Variants in RAB11FIP1 observed in about 807,000 individuals in gnomAD.
RAB11FIP1 encodes the protein rab11 family-interacting protein 1.
In RAB11FIP1, 49 loss-of-function variants were observed where a neutral mutation model predicts 83.1. The observed-to-expected ratio is 0.59, with a 90% confidence interval of 0.47 to 0.75. RAB11FIP1 has a LOEUF of 0.75. RAB11FIP1 is among the 30% of genes least tolerant of loss of function. RAB11FIP1 has a pLI of 0.00. For synonymous variants in RAB11FIP1, 670 were observed against 656.0 expected (o/e 1.02, Z -0.33); for missense variants, 1,536 against 1,598.7 (o/e 0.96, Z 0.67).
intron 1 of RAB11FIP1, among the ~76,000 whole-genome samples, chr8:37,892,495 C>A (rs1806968528): frequency 6.6e-6 from 1 of 151,254 alleles, no homozygotes; most frequent in Admixed American, 6.6e-5. Context: ...GCTCTTGTTG[C>A]CCAGGCTGGA....
chr8:37,872,312 T>A lies in RAB11FIP1; in HGVS notation c.2490A>T (p.Gly830=). The A allele has an allele frequency of 6.2e-7, 1 of 1,614,090 alleles. No homozygotes were observed. Among genetic ancestry groups the A allele is most frequent in the Non-Finnish European group, 8.5e-7 (1 of 1,179,994 alleles). ...AVAGAALLVE[G]HSSCPQELNP... is the part of the protein sequence containing the mutation. ...TCAGCTCCTGGGGACAACTGCTGTG[T>A]CCTTCCACCAGCAAGGCAGCCCCCG... The change falls in exon 4 of 6, where the codon GGA becomes GGT. Residue 830 remains glycine, a synonymous_variant. Coordinates refer to ENST00000330843, the MANE Select transcript of RAB11FIP1 (RefSeq NM_001002814.3).
intron 1 of RAB11FIP1, among the ~76,000 whole-genome samples, chr8:37,882,067 C>T (rs184471239): frequency 7.6e-4 from 116 of 152,244 alleles, no homozygotes; most frequent in Non-Finnish European, 2.1e-4. Flanking sequence ...CCTCACCAAC[C>T]GCAGGCGGGC....
intron 2 of RAB11FIP1, 147 bp downstream of exon 2, chr8:37,876,962 C>T: frequency 1.5e-6 from 1 of 683,544 alleles, no homozygotes; most frequent in South Asian, 1.9e-5. Flanking sequence ...ATCTTAACCA[C>T]CGCTATCATC....
rs551108702 is a variant in RAB11FIP1 at position 37,876,411 on chromosome 8, T to C, written c.814+698A>G. Among the ~76,000 whole-genome samples, 6 of 151,684 alleles carry C rather than the reference T, an allele frequency of 4.0e-5. No individual in the cohort carries two copies. The South Asian group carries it at 8.4e-4, about 21-fold the overall frequency. ...GAGTTTCAGACCAGCCTGGGCAACA[T>C]AGTGAGACCTCATCTCTAAAAAAAA... On this transcript the variant is annotated intron_variant, in intron 2 of 5. Transcript: ENST00000330843.
At chr8:37,877,601 C>G (rs1275351439) in intron 1 of RAB11FIP1, 50 bp from the exon 2 acceptor site, 3 of 1,185,638 alleles carry the variant, frequency 2.5e-6, no homozygotes, top group South Asian at 2.7e-5. Flanking sequence ...GCAACTGCAA[C>G]AATGTTCACA....
rs553884848 is a variant in RAB11FIP1, at chr8:37,870,464, C to T, written c.3589G>A (p.Ala1197Thr). 5 of 1,611,488 alleles carry T rather than the reference C, an allele frequency of 3.1e-6. No homozygotes were observed. Among genetic ancestry groups the T allele is most frequent in the Non-Finnish European group, 4.2e-6 (5 of 1,177,948 alleles). ...TKVANCSLGTATIISENLNNE... is the reference protein window; with the variant it reads ...TKVANCSLGTTTIISENLNNE... ...TTCAAGTTCTCACTGATGATGGTGG[C>T]AGTTCCCAAGCTGCAGTTAGCAACC... is the stretch of plus-strand genomic sequence containing the variant. Residue 1197 changes from alanine to threonine, a missense_variant, in exon 5 of 6, where the codon GCC (alanine) becomes ACC (threonine). Physicochemically the swap from Ala to Thr is moderately conservative, Grantham distance 58. Transcript: ENST00000330843.
chr8:37,877,574 G>C (rs767543067), intron 1 of RAB11FIP1, 23 bp from the exon 2 acceptor site: 1 of 1,522,594 alleles, frequency 6.6e-7, no homozygotes, highest in Non-Finnish European at 8.9e-7. Context: ...AGGCTGAGGA[G>C]TTACCTTTGA....
chr8:37,894,023 T>G (rs1310798626), intron 1 of RAB11FIP1, among the ~76,000 whole-genome samples: 3 of 152,214 alleles, frequency 2.0e-5, no homozygotes, highest in African/African-American at 7.2e-5. Flanking sequence ...CTACAGAGAA[T>G]TCAGGCTTGA....
At chr8:37,866,267 G>A (rs1219172335) in intron 5 of RAB11FIP1, among the ~76,000 whole-genome samples, 6 of 151,904 alleles carry the variant, frequency 3.9e-5, no homozygotes, top group Non-Finnish European at 7.4e-5. Flanking sequence ...CTCGGGAGGC[G>A]GAGGTTGCAG....
intron 1 of RAB11FIP1, among the ~76,000 whole-genome samples, chr8:37,882,051 C>T (rs995645607): frequency 1.3e-5 from 2 of 152,174 alleles, no homozygotes; most frequent in African/African-American, 2.4e-5. Flanking sequence ...GAGGAGGTTT[C>T]GATGACCTCA....
intron 1 of RAB11FIP1, among the ~76,000 whole-genome samples, chr8:37,891,754 A>G (rs567934235): frequency 3.4e-4 from 51 of 152,090 alleles, no homozygotes; most frequent in Middle Eastern, 3.4e-3. Context: ...TTTTTCATTT[A>G]TGGGTCTAAC....
intron 1 of RAB11FIP1, among the ~76,000 whole-genome samples, chr8:37,894,685 TATATATACATAAATACATATATATAC>T (rs1019870904): frequency 6.8e-6 from 1 of 147,470 alleles, no homozygotes; most frequent in African/African-American, 2.5e-5. Flanking sequence ...CATTTTGATT[TATATATACATAAATACATATATATAC>T]ATATATATAT....
At position 37,874,886 on chromosome 8, in the gene RAB11FIP1, T is replaced by C. The variant is rs755843350; in HGVS notation, c.1251A>G (p.Ser417=). The C allele has an allele frequency of 3.5e-5, 57 of 1,613,992 alleles. No homozygotes were observed. The highest frequency in any genetic ancestry group is 4.7e-5 in the Non-Finnish European group (55 of 1,180,028). Residue 417 remains serine (S), a synonymous_variant, in exon 3 of 6, where the codon TCA becomes TCG. Transcript: ENST00000330843. ...TCTCCTTAGCTTCTTTTGTGGCCTCTGAGTTTGCGGGGGCCATGTTTTCCC... is the reference window on the plus strand; with the variant it reads ...TCTCCTTAGCTTCTTTTGTGGCCTCCGAGTTTGCGGGGGCCATGTTTTCCC... The part of the protein sequence containing the change: ...DLRENMAPAN[S]EATKEAKESK...
Position 37,860,690 on chromosome 8 carries a change from TTATAAG to T in RAB11FIP1, c.*2199_*2204del, listed in dbSNP as rs1211969916. ...AGTTCAAGTGAACATACAGTTTTCT[TTATAAG>T]TATGTAAATAAATTTCATAGCACTA... On this transcript the variant is annotated 3_prime_UTR_variant, in exon 6 of 6. Transcript: ENST00000330843. 1 of 152,664 alleles carries T rather than the reference TTATAAG, an allele frequency of 6.6e-6. No homozygotes were observed. Among genetic ancestry groups the T allele is most frequent in the Non-Finnish European group, 1.5e-5 (1 of 68,054 alleles). 9.5% of individuals were successfully genotyped at this position (152,664 alleles called of 1,614,324 possible).
At chr8:37,867,743 GGGAAAGAA>G (rs1410482570) in intron 5 of RAB11FIP1, among the ~76,000 whole-genome samples, 1 of 151,350 alleles carries the variant, frequency 6.6e-6, no homozygotes, top group African/African-American at 2.4e-5. Context: ...AAGGGAGGGA[GGGAAAGAA>G]GGAAAGAAGG....
At chr8:37,870,378 T>G in intron 5 of RAB11FIP1, 42 bp downstream of exon 5, 1 of 1,180,564 alleles carries the variant, frequency 8.5e-7, no homozygotes, top group Admixed American at 1.7e-5. Context: ...ACGGGTGTTC[T>G]GTCAATCCCT....
At chr8:37,863,525 G>A (rs547105185) in intron 5 of RAB11FIP1, among the ~76,000 whole-genome samples, 1 of 152,288 alleles carries the variant, frequency 6.6e-6, no homozygotes, top group Non-Finnish European at 1.5e-5. Context: ...TGGGATTACA[G>A]GCATGAGCCA....
At chr8:37,885,867 C>T (rs1410258276) in intron 1 of RAB11FIP1, among the ~76,000 whole-genome samples, 1 of 152,166 alleles carries the variant, frequency 6.6e-6, no homozygotes, top group African/African-American at 2.4e-5. Context: ...GTTGGCTTCC[C>T]AAACATACCC....
intron 4 of RAB11FIP1, chr8:37,870,995 G>A (rs1806441129): frequency 4.9e-6 from 2 of 410,936 alleles, no homozygotes; most frequent in South Asian, 6.9e-5. Context: ...TTCTGAGACA[G>A]TTAAGATACT....
Sources: allele counts gnomAD v4.1 joint callset (sites outside exome capture counted in the v4.1 genomes callset), GRCh38; gene constraint gnomAD v4.1.1; transcripts MANE v1.5; gene names NCBI Gene and HGNC (gene_info 2026-07-23, HGNC 2026-07-21).